Variants in SPG7 observed in about 807,000 individuals in gnomAD.
SPG7 encodes mitochondrial inner membrane m-AAA protease component paraplegin.
Under a neutral mutation model 81.9 loss-of-function variants are expected in SPG7, and 103 were observed. The observed-to-expected ratio is 1.26, with a 90% CI of 1.07 to 1.48. SPG7 has a LOEUF of 1.48. Ranked by LOEUF, SPG7 falls within the 40% of genes most tolerant of loss-of-function variation. SPG7 has a pLI of 0.00. For missense variants in SPG7, 1,241 were observed against 1,087.3 expected (o/e 1.14, Z -1.99); for synonymous variants, 534 against 444.2 (o/e 1.20, Z -2.54).
rs747507143 is a variant in SPG7, at chr16:89,556,970, G to A, written c.2265G>A (p.Lys755=). 1.2e-6 allele frequency: 2 copies of A among 1,614,112 alleles called. No homozygotes were observed. Among genetic ancestry groups the A allele is most frequent in the Non-Finnish European group, 8.5e-7 (1 of 1,180,018 alleles). ...ALIGPPPHGP[K]KMIAPQRWID... is the part of the protein sequence containing the mutation. Reference sequence around the variant, plus strand: ...TTGGCCCGCCGCCCCATGGGCCGAAGAAAATGATCGCACCGCAGAGGTGGA... The same window carrying A: ...TTGGCCCGCCGCCCCATGGGCCGAAAAAAATGATCGCACCGCAGAGGTGGA... The change falls in exon 17 of 17, where the codon AAG becomes AAA. Residue 755 remains lysine, a synonymous_variant. Transcript: ENST00000645818.
chr16:89,553,679 G>A, intron 14 of SPG7, 115 bp from the exon 15 acceptor site: 2 of 1,022,298 alleles, frequency 2.0e-6, no homozygotes, highest in Non-Finnish European at 3.0e-6. Context: ...TGGGTCCTCG[G>A]GAGGAAGGGG....
At chr16:89,523,575 G>A (rs1245220338) in intron 3 of SPG7, 4 of 384,994 alleles carry the variant, frequency 1.0e-5, no homozygotes, top group Non-Finnish European at 1.6e-5. Context: ...CGGCTCGGAC[G>A]GCCTGGGACG....
Position 89,536,779 on chromosome 16 carries a change from C to T in SPG7, c.1324+4143C>T. On this transcript the variant is annotated intron_variant, in intron 9 of 16. Coordinates refer to ENST00000645818, the MANE Select transcript of SPG7 (RefSeq NM_003119.4). ...TCTCCAACCAGGTGCCTCTCTTGAC[C>T]AGCTACCCTCCCAGGGGACCATGAG... 1 of 1,614,062 alleles carries T rather than the reference C, an allele frequency of 6.2e-7. No individual in the cohort carries two copies. The highest frequency in any genetic ancestry group is 8.5e-7 in the Non-Finnish European group (1 of 1,180,010).
intron 9 of SPG7, chr16:89,541,363 T>G: frequency 1.0e-6 from 1 of 971,116 alleles, no homozygotes; most frequent in East Asian, 1.1e-4. Flanking sequence ...AGAGCCAGGC[T>G]TAGTATCGTA....
In SPG7 at chr16:89,548,206, AC is replaced by A. The variant is rs370702846; in HGVS notation, c.1663+95del. On this transcript the variant is annotated intron_variant, in intron 12 of 16. Coordinates refer to ENST00000645818, the MANE Select transcript of SPG7 (RefSeq NM_003119.4). ...GGTATTGAGAGGTGAGGTGGATGGA[AC>A]CATCACACAGGAAGGAACACACGTT... 2.8e-4 allele frequency: 240 copies of A among 843,550 alleles called. No individual in the cohort carries two copies. In the African/African-American group the frequency reaches 3.6e-3, roughly 12 times the overall value. 52.3% of individuals were successfully genotyped at this position (843,550 alleles called of 1,614,324 possible). A position where few individuals can be genotyped will look rare whatever the true frequency, so the allele number is the denominator to read the frequency against.
chr16:89,552,467 C>G lies in SPG7; in HGVS notation c.1780-512C>G, dbSNP rs8060672. ...GCAGCAGCTGGGCCAGCCCCTGCCC[C>G]GTCTCCGTCCGTCTCCCACTCAGCG... On this transcript the variant is annotated intron_variant, in intron 13 of 16. Transcript: ENST00000645818. 8.1e-3 allele frequency: 1,410 copies of G among 174,956 alleles called. 19 individuals carry two copies. The highest frequency in any genetic ancestry group is 0.032 in the African/African-American group (1,352 of 42,112). 10.8% of individuals were successfully genotyped at this position (174,956 alleles called of 1,614,324 possible). A position where few individuals can be genotyped will look rare whatever the true frequency, so the allele number is the denominator to read the frequency against.
chr16:89,515,701 C>G (rs1276461789), intron 3 of SPG7, among the ~76,000 whole-genome samples: 1 of 145,360 alleles, frequency 6.9e-6, no homozygotes, highest in Non-Finnish European at 1.5e-5. Flanking sequence ...ATTATTATTA[C>G]TATTATTATT....
chr16:89,534,889 C>T (rs374856572), intron 9 of SPG7, among the ~76,000 whole-genome samples: 22 of 152,212 alleles, frequency 1.4e-4, no homozygotes, highest in African/African-American at 4.6e-4. Context: ...GGTCTCTTCC[C>T]CTCCTGTGTC....
intron 9 of SPG7, chr16:89,537,116 C>T: frequency 1.3e-6 from 2 of 1,488,872 alleles, no homozygotes; most frequent in Non-Finnish European, 1.8e-6. Flanking sequence ...GCTGTGCATG[C>T]TCAGCCCTGC....
Position 89,532,590 on chromosome 16 carries a change from C to T in SPG7, c.1278C>T (p.Asn426=). Residue 426 remains asparagine (N), a synonymous_variant, in exon 9 of 17, where the codon AAC becomes AAT. Coordinates refer to ENST00000645818, the MANE Select transcript of SPG7 (RefSeq NM_003119.4). ...KRSTTMSGFS[N]TEEEQTLNQL... ...CCACCACCATGTCCGGCTTCTCCAACACGGAGGAGGAGCAGACGCTCAACC... is the reference window on the plus strand; with the variant it reads ...CCACCACCATGTCCGGCTTCTCCAATACGGAGGAGGAGCAGACGCTCAACC... The T allele has an allele frequency of 6.2e-7, 1 of 1,613,828 alleles. No homozygotes were observed. Among genetic ancestry groups the T allele is most frequent in the Non-Finnish European group, 8.5e-7 (1 of 1,180,050 alleles).
chr16:89,520,196 C>T (rs901329140), intron 3 of SPG7: 1 of 152,674 alleles, frequency 6.5e-6, no homozygotes, highest in African/African-American at 2.4e-5. Context: ...GAGGAAGGTA[C>T]CTGCAGCCCT....
rs763469858 is a variant in SPG7 at position 89,508,443 on chromosome 16, G to C, written c.26G>C (p.Arg9Pro). 4 of 1,501,310 alleles carry C rather than the reference G, an allele frequency of 2.7e-6. No homozygotes were observed. The highest frequency in any genetic ancestry group is 1.2e-5 in the South Asian group (1 of 80,668). 93.0% of individuals were successfully genotyped at this position (1,501,310 alleles called of 1,614,324 possible). Residue 9 changes from arginine (R) to proline (P), a missense_variant, in exon 1 of 17, where the codon CGT (arginine) becomes CCT (proline). Physicochemically the swap from Arg to Pro is moderately radical, Grantham distance 103. Coordinates refer to ENST00000645818, the MANE Select transcript of SPG7 (RefSeq NM_003119.4). MAVLLLLLRALRRGPGPGP... is the reference protein window; with the variant it reads MAVLLLLLPALRRGPGPGP... Reference sequence around the variant, plus strand: ...ATGGCCGTGCTGCTGCTGCTGCTCCGTGCCCTCCGCCGGGGTCCAGGCCCG... The same window carrying C: ...ATGGCCGTGCTGCTGCTGCTGCTCCCTGCCCTCCGCCGGGGTCCAGGCCCG...
At chr16:89,528,461 G>A (rs547993245) in intron 5 of SPG7, among the ~76,000 whole-genome samples, 11 of 150,514 alleles carry the variant, frequency 7.3e-5, no homozygotes, top group Admixed American at 4.0e-4. Context: ...TTCGTAGGCC[G>A]ATGATGTACA....
At chr16:89,515,222 C>T (rs1392257144) in intron 3 of SPG7, among the ~76,000 whole-genome samples, 1 of 150,680 alleles carries the variant, frequency 6.6e-6, no homozygotes, top group East Asian at 2.0e-4. Flanking sequence ...AGGAGTGGGC[C>T]ACCGCACCCA....
At chr16:89,532,735 A>T (rs2058362195) in intron 9 of SPG7, 99 bp downstream of exon 9, 1 of 1,415,904 alleles carries the variant, frequency 7.1e-7, no homozygotes, top group African/African-American at 1.4e-5. Context: ...GTGTCACTGC[A>T]CTCCGGCCTG....
intron 6 of SPG7, chr16:89,530,067 G>A (rs1461273623): frequency 2.9e-5 from 8 of 272,536 alleles, no homozygotes; most frequent in East Asian, 9.8e-5. Context: ...TCGAACTCCC[G>A]ACCTCAGGTG....
rs760818649 is a variant in SPG7, at chr16:89,531,962, G to GC, written c.1053dup (p.Gly352ArgfsTer44). ...GTCCCAAAGGGCGCACTGCTGCTCG[G>GC]CCCCCCCGGCTGTGGGAAGACGCTG... On this transcript the variant is annotated frameshift_variant, in exon 8 of 17. Transcript: ENST00000645818. LOFTEE classifies it high-confidence loss of function. The GC allele has an allele frequency of 1.9e-4, 314 of 1,613,686 alleles. No homozygotes were observed. The highest frequency in any genetic ancestry group is 4.5e-4 in the African/African-American group (34 of 75,054).
At chr16:89,513,297 G>C (rs1288981840) in intron 3 of SPG7, among the ~76,000 whole-genome samples, 1 of 152,114 alleles carries the variant, frequency 6.6e-6, no homozygotes, top group Admixed American at 6.6e-5. Context: ...CACTTTGGGA[G>C]GCTGAGGCAG....
chr16:89,544,420 TCTG>T (rs1331174609), intron 9 of SPG7: 23 of 528,374 alleles, frequency 4.4e-5, no homozygotes, highest in Non-Finnish European at 7.4e-5. Flanking sequence ...CTTGGACAGT[TCTG>T]CTGTTTGCAC....
Sources: allele counts gnomAD v4.1 joint callset (sites outside exome capture counted in the v4.1 genomes callset), GRCh38; gene constraint gnomAD v4.1.1; transcripts MANE v1.5; gene names NCBI Gene and HGNC (gene_info 2026-07-23, HGNC 2026-07-21).